The following DIPK1C variants were observed in gnomAD, a reference collection of about 807,000 sequenced individuals.
The protein encoded by DIPK1C is familial non-conventional Alzheimer's dementia.
A neutral mutation model predicts 28.0 loss-of-function variants in DIPK1C; 33 were observed. The observed-to-expected ratio is 1.18, with a 90% CI of 0.89 to 1.58. DIPK1C has a LOEUF of 1.58. DIPK1C is among the 40% of genes most tolerant of loss of function. The pLI, the probability that DIPK1C is intolerant of heterozygous loss-of-function variation, is 0.00. For synonymous variants in DIPK1C, 255 were observed against 248.8 expected (o/e 1.02, Z -0.23); for missense variants, 569 against 568.5 (o/e 1.00, Z -0.01).
At chr18:74,464,576 A>G in the DIPK1C span, among the ~76,000 whole-genome samples, 1 of 152,364 alleles carries the variant, frequency 6.6e-6, no homozygotes, top group African/African-American at 2.4e-5. Context: ...TTGGTGCTCT[A>G]CATGCTGTGA....
intron 2 of DIPK1C, among the ~76,000 whole-genome samples, chr18:74,443,225 T>C (rs1358982895): frequency 6.6e-6 from 1 of 152,158 alleles, no homozygotes; most frequent in African/African-American, 2.4e-5. Context: ...ATTATGCAGC[T>C]CTTCCTCCGC....
At chr18:74,456,342 T>G (rs1986510859) in intron 1 of DIPK1C, among the ~76,000 whole-genome samples, 1 of 152,218 alleles carries the variant, frequency 6.6e-6, no homozygotes, top group Non-Finnish European at 1.5e-5. Context: ...TCTCCCTAAT[T>G]CTCTGGCTCA....
upstream of DIPK1C, among the ~76,000 whole-genome samples, chr18:74,459,772 C>A (rs1986589864): frequency 6.6e-6 from 1 of 152,126 alleles, no homozygotes; most frequent in Non-Finnish European, 1.5e-5. Context: ...TGTATGTGGG[C>A]AGGAAAGATA....
chr18:74,450,171 T>C (rs1986368555), intron 1 of DIPK1C, among the ~76,000 whole-genome samples: 1 of 152,242 alleles, frequency 6.6e-6, no homozygotes, highest in Non-Finnish European at 1.5e-5. Flanking sequence ...TTCTGGTATT[T>C]ACATAGTTTC....
At chr18:74,454,312 TG>T (rs1986459103) in intron 1 of DIPK1C, among the ~76,000 whole-genome samples, 1 of 152,174 alleles carries the variant, frequency 6.6e-6, no homozygotes, top group Non-Finnish European at 1.5e-5. Flanking sequence ...AGGTGGAGTG[TG>T]GGCTTGGGGA....
chr18:74,445,588 T>C (rs1240298281), intron 2 of DIPK1C, among the ~76,000 whole-genome samples: 5 of 152,220 alleles, frequency 3.3e-5, no homozygotes, highest in Non-Finnish European at 7.4e-5. Context: ...GCAGTCACAG[T>C]GCCTGCTTTT....
upstream of DIPK1C, chr18:74,457,337 A>C: frequency 3.2e-6 from 3 of 952,068 alleles, no homozygotes; most frequent in Non-Finnish European, 3.8e-6. Context: ...TCCGCGGCTC[A>C]GGCCCGCTCG....
In DIPK1C at chr18:74,456,959, G is replaced by T. The variant is rs571930424; in HGVS notation, c.198+103C>A. ...TGTCGGGAACCCATGTCCCCGGCGGGTGCCACCGCCACCCAAGTCCCCGGG... is the reference window on the plus strand; with the variant it reads ...TGTCGGGAACCCATGTCCCCGGCGGTTGCCACCGCCACCCAAGTCCCCGGG... On this transcript the variant is annotated intron_variant, in intron 1 of 3. Transcript: ENST00000343998. 20 of 1,202,576 alleles carry T rather than the reference G, an allele frequency of 1.7e-5. No individual in the cohort carries two copies. The South Asian group carries it at 4.0e-4, about 24-fold the overall frequency. The allele number at this position is 1,202,576 out of a possible 1,614,324, so 74.5% of individuals were successfully genotyped here.
Position 74,447,825 on chromosome 18 carries a change from A to G in DIPK1C, c.199-542T>C, listed in dbSNP as rs756164557. Reference sequence around the variant, plus strand: ...TTTTCCACATGAAATGGAGTGCCCTATAAAGCTTGCAGGCTGCAGGTTTGC... The same window carrying G: ...TTTTCCACATGAAATGGAGTGCCCTGTAAAGCTTGCAGGCTGCAGGTTTGC... On this transcript the variant is annotated intron_variant, in intron 1 of 3. Transcript: ENST00000343998. This position sits in a 1 kb window ranked among gnomAD's most constrained non-coding sequence, Gnocchi z 4.1. 4.6e-5 allele frequency among the ~76,000 whole-genome samples: 7 copies of G among 152,202 alleles called. No individual in the cohort carries two copies. Among genetic ancestry groups the G allele is most frequent in the Non-Finnish European group, 8.8e-5 (6 of 68,036 alleles).
chr18:74,441,288 G>A (rs1363656737), intron 3 of DIPK1C, among the ~76,000 whole-genome samples: 25 of 152,188 alleles, frequency 1.6e-4, no homozygotes, highest in Admixed American at 1.6e-3. Context: ...ACACTGTGGG[G>A]CCTCCTCCGG....
intron 1 of DIPK1C, among the ~76,000 whole-genome samples, chr18:74,454,359 G>A (rs542371881): frequency 1.4e-4 from 22 of 152,246 alleles, no homozygotes; most frequent in African/African-American, 4.6e-4. Flanking sequence ...CCCCTGACTC[G>A]TCCCTAAGCT....
intron 1 of DIPK1C, among the ~76,000 whole-genome samples, chr18:74,456,708 G>C (rs1986522416): frequency 6.6e-6 from 1 of 152,166 alleles, no homozygotes; most frequent in African/African-American, 2.4e-5. Flanking sequence ...GAGCCCGGCG[G>C]CCTGACACCG....
At position 74,446,706 on chromosome 18, in the gene DIPK1C, C is replaced by G. The variant is rs376456185; in HGVS notation, c.776G>C (p.Ser259Thr). The change falls in exon 2 of 4, where the codon AGC becomes ACC. Residue 259 changes from serine (S) to threonine (T), a missense_variant. Coordinates refer to ENST00000343998, the MANE Select transcript of DIPK1C (RefSeq NM_001044369.3). ...AAAATGGTTCACCATGTCCAAGAAG[C>G]TGAGTGCGATGTCACTGATGGCCTT... ...QAKAISDIAL[S>T]FLDMVNHFDS... 211 of 1,541,782 alleles carry G rather than the reference C, an allele frequency of 1.4e-4. No homozygotes were observed. The highest frequency in any genetic ancestry group is 1.7e-4 in the Non-Finnish European group (190 of 1,142,140).
intron 1 of DIPK1C, among the ~76,000 whole-genome samples, chr18:74,452,655 G>A (rs1986424410): frequency 6.6e-6 from 1 of 152,034 alleles, no homozygotes; most frequent in South Asian, 2.1e-4. Flanking sequence ...GACTGAGACA[G>A]GAGGATTGCT....
intron 1 of DIPK1C, among the ~76,000 whole-genome samples, chr18:74,455,084 C>T (rs1184234588): frequency 6.6e-6 from 1 of 152,140 alleles, no homozygotes; most frequent in Non-Finnish European, 1.5e-5. Flanking sequence ...GCAGAACCAA[C>T]CTCTCCAGCT....
intron 1 of DIPK1C, among the ~76,000 whole-genome samples, chr18:74,453,789 A>G (rs1331735013): frequency 6.6e-6 from 1 of 152,182 alleles, no homozygotes; most frequent in Non-Finnish European, 1.5e-5. Context: ...GCTCCTCACC[A>G]TATTCACCGT....
chr18:74,444,071 A>G (rs1986206534), intron 2 of DIPK1C, among the ~76,000 whole-genome samples: 1 of 152,110 alleles, frequency 6.6e-6, no homozygotes, highest in Admixed American at 6.5e-5. Flanking sequence ...AAAAACCTAC[A>G]TCATGTTTCT....
chr18:74,436,203 T>G lies in DIPK1C; in HGVS notation c.*298A>C, dbSNP rs1985987007. On this transcript the variant is annotated 3_prime_UTR_variant, in exon 4 of 4. Coordinates refer to ENST00000343998, the MANE Select transcript of DIPK1C (RefSeq NM_001044369.3). Reference sequence around the variant, plus strand: ...TCGTGCTGGGATAACCAGGTACAAGTGCTCTCTGCAGAGAATAAGTGCACA... The same window carrying G: ...TCGTGCTGGGATAACCAGGTACAAGGGCTCTCTGCAGAGAATAAGTGCACA... The G allele has an allele frequency of 2.5e-6, 1 of 396,384 alleles. No homozygotes were observed. The highest frequency in any genetic ancestry group is 4.5e-6 in the Non-Finnish European group (1 of 220,088). 24.6% of individuals were successfully genotyped at this position (396,384 alleles called of 1,614,324 possible).
chr18:74,445,340 C>G (rs1986235686), intron 2 of DIPK1C, among the ~76,000 whole-genome samples: 2 of 152,202 alleles, frequency 1.3e-5, no homozygotes, highest in Admixed American at 1.3e-4. Context: ...CTGGAACCTC[C>G]CAGAACCTCC....
Sources: gnomAD v4.1 joint callset for allele counts (sites outside exome capture counted in the v4.1 genomes callset) on GRCh38, gnomAD v4.1.1 for gene constraint, Gnocchi (gnomAD v3.1) non-coding constraint, MANE v1.5 for transcripts, NCBI Gene and HGNC (gene_info 2026-07-23, HGNC 2026-07-21) for gene names.